Variants in SPATA17 observed in about 807,000 individuals in gnomAD.
SPATA17 encodes spermatogenesis-associated protein 17.
Under a neutral mutation model 62.2 loss-of-function variants are expected in SPATA17, and 53 were observed. The ratio of observed to expected loss-of-function variants is 0.85; its 90% CI spans 0.68 to 1.07. The LOEUF is 1.07. Ranked by LOEUF, SPATA17 falls within the 50% of genes least tolerant of loss-of-function variation. The probability of loss-of-function intolerance (pLI) is 0.00; values close to 1 mark genes in which losing one functional copy is unlikely to be tolerated. For synonymous variants in SPATA17, 146 were observed against 146.8 expected, an observed-to-expected ratio of 0.99 and a Z score of 0.04; for missense variants, 466 against 425.5, an observed-to-expected ratio of 1.10 and a Z score of -0.84.
chr1:217,833,748 T>C (rs1675199110), intron 9 of SPATA17, among the ~76,000 whole-genome samples: 1 of 152,180 alleles, frequency 6.6e-6, no homozygotes. Flanking sequence ...ATCTGACCTT[T>C]TAGAAAATTC....
chr1:217,734,122 A>G (rs185589865), intron 5 of SPATA17, among the ~76,000 whole-genome samples: 3 of 152,302 alleles, frequency 2.0e-5, no homozygotes, highest in East Asian at 1.9e-4. Flanking sequence ...CACTCACAAA[A>G]TATTTTTAAA....
chr1:217,798,682 G>A (rs1674218464), intron 8 of SPATA17, among the ~76,000 whole-genome samples: 1 of 152,146 alleles, frequency 6.6e-6, no homozygotes, highest in South Asian at 2.1e-4. Context: ...CAAAGAGAGA[G>A]CCAGTGTAGC....
intron 5 of SPATA17, among the ~76,000 whole-genome samples, chr1:217,712,423 G>A (rs1032877367): frequency 6.6e-6 from 1 of 152,008 alleles, no homozygotes; most frequent in South Asian, 2.1e-4. Flanking sequence ...ACCGCACCTG[G>A]CCTACAATAT....
intron 8 of SPATA17, among the ~76,000 whole-genome samples, chr1:217,792,162 C>T (rs1218369034): frequency 6.6e-6 from 1 of 152,074 alleles, no homozygotes; most frequent in Non-Finnish European, 1.5e-5. Flanking sequence ...ATGGGTTAGA[C>T]AAGTTTGCTA....
intron 9 of SPATA17, among the ~76,000 whole-genome samples, chr1:217,837,637 G>A (rs1404012896): frequency 6.6e-6 from 1 of 152,028 alleles, no homozygotes; most frequent in East Asian, 1.9e-4. Context: ...GGCCCTGCGT[G>A]TAGCTATACT....
intron 9 of SPATA17, among the ~76,000 whole-genome samples, chr1:217,832,964 A>G (rs1269063717): frequency 6.6e-6 from 1 of 151,960 alleles, no homozygotes; most frequent in African/African-American, 2.4e-5. Flanking sequence ...AAAAAAGTTT[A>G]CTTTCAAAAA....
chr1:217,762,035 G>A (rs957924991), intron 6 of SPATA17, among the ~76,000 whole-genome samples: 1 of 152,084 alleles, frequency 6.6e-6, no homozygotes. Context: ...CCTCCTTCAT[G>A]AAATGGTCTT....
intron 6 of SPATA17, among the ~76,000 whole-genome samples, chr1:217,753,986 A>G (rs1373786174): frequency 6.6e-6 from 1 of 152,182 alleles, no homozygotes; most frequent in African/African-American, 2.4e-5. Flanking sequence ...TGTAATACCC[A>G]ACACTTTGGG....
At chr1:217,646,364 G>A (rs1411024476) in intron 1 of SPATA17, among the ~76,000 whole-genome samples, 1 of 152,082 alleles carries the variant, frequency 6.6e-6, no homozygotes, top group South Asian at 2.1e-4. Flanking sequence ...ACTTGGTATA[G>A]TCTGAAATTT....
intron 4 of SPATA17, among the ~76,000 whole-genome samples, chr1:217,676,523 G>C (rs1246159458): frequency 2.6e-5 from 4 of 152,200 alleles, no homozygotes; most frequent in Non-Finnish European, 5.9e-5. Context: ...GTCAACTGCT[G>C]TTTCTAAATT....
intron 6 of SPATA17, among the ~76,000 whole-genome samples, chr1:217,753,104 G>A (rs140267450): frequency 6.6e-6 from 1 of 152,114 alleles, no homozygotes; most frequent in African/African-American, 2.4e-5. Flanking sequence ...AGAGACAGTG[G>A]CATTCACTGA....
intron 5 of SPATA17, among the ~76,000 whole-genome samples, chr1:217,714,314 G>A (rs550514844): frequency 9.2e-4 from 140 of 151,672 alleles, no homozygotes; most frequent in Non-Finnish European, 1.5e-3. Context: ...TCTTGAACCC[G>A]GGAGGCAGAG....
intron 5 of SPATA17, among the ~76,000 whole-genome samples, chr1:217,690,933 A>C (rs1037095577): frequency 1.4e-5 from 2 of 146,652 alleles, no homozygotes; most frequent in African/African-American, 5.2e-5. Context: ...TATTGTGAAT[A>C]ATGCCGCAAT....
intron 3 of SPATA17, among the ~76,000 whole-genome samples, chr1:217,654,108 ATATGAT>A (rs1216216474): frequency 6.7e-6 from 1 of 149,814 alleles, no homozygotes; most frequent in Non-Finnish European, 1.5e-5. Flanking sequence ...CAATTTTGAC[ATATGAT>A]TTTTATTTAT....
intron 9 of SPATA17, among the ~76,000 whole-genome samples, chr1:217,804,546 G>A (rs923691987): frequency 6.6e-6 from 1 of 152,080 alleles, no homozygotes; most frequent in Middle Eastern, 3.2e-3. Context: ...AAATAGAATT[G>A]CATCAAACCA....
intron 5 of SPATA17, among the ~76,000 whole-genome samples, chr1:217,700,762 C>CTTTTTTTTTTTTT (rs71556698): frequency 7.4e-6 from 1 of 134,822 alleles, no homozygotes; most frequent in Non-Finnish European, 1.6e-5. Context: ...TTTTCTTTTT[C>CTTTTTTTTTTTTT]TTTTTTTTTT....
chr1:217,709,556 T>A (rs1671811287), intron 5 of SPATA17, among the ~76,000 whole-genome samples: 1 of 152,198 alleles, frequency 6.6e-6, no homozygotes. Flanking sequence ...AGATGGAAGC[T>A]ACATTTGTCT....
In SPATA17 at chr1:217,708,571, A is replaced by G. The variant is rs114237431; in HGVS notation, c.395+25210A>G. On this transcript the variant is annotated intron_variant, in intron 5 of 10. Transcript: ENST00000366933. ...TTGAATCAATAATAAGAAGCCTACC[A>G]ACCAGAAAAAGCCCCAAACCAGACA... Among the ~76,000 whole-genome samples, 752 of 152,258 alleles carry G rather than the reference A, an allele frequency of 4.9e-3. 2 individuals carry two copies. Among genetic ancestry groups the G allele is most frequent in the Non-Finnish European group, 8.4e-3 (569 of 68,018 alleles).
chr1:217,741,998 A>G lies in SPATA17; in HGVS notation c.419A>G (p.Glu140Gly), dbSNP rs544149372. The G allele has an allele frequency of 6.2e-7, 1 of 1,614,136 alleles. No homozygotes were observed. The highest frequency in any genetic ancestry group is 8.5e-7 in the Non-Finnish European group (1 of 1,179,964). ...AIRKALEEFA[E>G]MKEREEKKAN... ...AGGAAGGCACTGGAGGAGTTTGCAG[A>G]AATGAAAGAAAGAGAAGAGAAGAAG... Residue 140 changes from glutamate (E) to glycine (G), a missense_variant, in exon 6 of 11, where the codon GAA (glutamate) becomes GGA (glycine). Transcript: ENST00000366933.
Sources: gnomAD v4.1 joint callset for allele counts (sites outside exome capture counted in the v4.1 genomes callset) on GRCh38, gnomAD v4.1.1 for gene constraint, MANE v1.5 for transcripts, NCBI Gene and HGNC (gene_info 2026-07-23, HGNC 2026-07-21) for gene names.